SENP7: variants seen among roughly 807,000 people sequenced by gnomAD.
SENP7 encodes the protein SUMO specific peptidase 7, also known as sentrin-specific protease 7.
SENP7 carries 64 observed loss-of-function variants against 141.2 expected under a neutral mutation model. The ratio of observed to expected loss-of-function variants is 0.45; its 90% CI spans 0.37 to 0.56. SENP7 has a LOEUF of 0.56. Ranked by LOEUF, SENP7 falls within the 20% of genes least tolerant of loss-of-function variation. The pLI, the probability that SENP7 is intolerant of heterozygous loss-of-function variation, is 0.00. For synonymous variants in SENP7, 382 were observed against 426.4 expected (o/e 0.90, Z 1.28); for missense variants, 1,025 against 1,212.2 (o/e 0.85, Z 2.29).
intron 4 of SENP7, among the ~76,000 whole-genome samples, chr3:101,438,877 CGGGGCCCGAG>C (rs1559825740): frequency 6.6e-6 from 1 of 151,390 alleles, no homozygotes; most frequent in Non-Finnish European, 1.5e-5. Context: ...ACGGGCCCCG[CGGGGCCCGAG>C]GGCAAGGAGC....
At chr3:101,365,012 G>A in intron 9 of SENP7, 21 bp from the exon 10 acceptor site, 6 of 1,409,440 alleles carry the variant, frequency 4.3e-6, no homozygotes, top group Non-Finnish European at 5.6e-6. Context: ...AAAGAAAAAT[G>A]TATTTTTGTT....
chr3:101,409,632 A>G (rs1238293593), intron 5 of SENP7, among the ~76,000 whole-genome samples: 1 of 152,198 alleles, frequency 6.6e-6, no homozygotes, highest in Non-Finnish European at 1.5e-5. Flanking sequence ...ATAAACCCAA[A>G]TACTTACAGC....
In SENP7 at chr3:101,351,619, T is replaced by C; in HGVS notation, c.1656A>G (p.Gln552=). The change falls in exon 12 of 24, where the codon CAA becomes CAG. Residue 552 remains glutamine (Q), a splice_region_variant and synonymous_variant. Transcript: ENST00000394095. The part of the protein sequence containing the change: ...ITKKYIKIPF[Q]VSLNEISLLV... Reference sequence around the variant, plus strand: ...GTTCATAAGAGAATGATAACTTACCTTGAAATGGGATCTTAATATATTTTT... The same window carrying C: ...GTTCATAAGAGAATGATAACTTACCCTGAAATGGGATCTTAATATATTTTT... 7.4e-7 allele frequency: 1 copy of C among 1,357,922 alleles called. No homozygotes were observed. The highest frequency in any genetic ancestry group is 9.7e-7 in the Non-Finnish European group (1 of 1,032,290). The allele number at this position is 1,357,922 out of a possible 1,614,324, so 84.1% of individuals were successfully genotyped here.
chr3:101,490,649 T>C (rs1014274226), intron 3 of SENP7, among the ~76,000 whole-genome samples: 7 of 152,228 alleles, frequency 4.6e-5, no homozygotes, highest in Non-Finnish European at 1.0e-4. Context: ...TCAGAGCTCA[T>C]CTAACTTTAC....
rs6776266 is a variant in SENP7 at position 101,509,036 on chromosome 3, T to A, written c.40+4055A>T. 9.5e-3 allele frequency among the ~76,000 whole-genome samples: 1,440 copies of A among 152,244 alleles called. 25 individuals carry two copies. Among genetic ancestry groups the A allele is most frequent in the African/African-American group, 0.033 (1,386 of 41,544 alleles). ...CTATATCTTTATCCATCTTTTCTCC[T>A]TTCCCTATATCTCACCAAACTGTTC... On this transcript the variant is annotated intron_variant, in intron 1 of 23. Transcript: ENST00000394095.
At chr3:101,505,762 G>A (rs988968400) in intron 1 of SENP7, among the ~76,000 whole-genome samples, 1 of 152,014 alleles carries the variant, frequency 6.6e-6, no homozygotes, top group Admixed American at 6.6e-5. Flanking sequence ...GTAAAATGGC[G>A]GAGAATATCT....
chr3:101,440,639 T>C (rs1177760917), intron 4 of SENP7, among the ~76,000 whole-genome samples: 3 of 139,146 alleles, frequency 2.2e-5, no homozygotes, highest in African/African-American at 8.2e-5. Context: ...CAGAAAACAA[T>C]GAAGGAGAGA....
chr3:101,449,464 A>G (rs888106256), intron 4 of SENP7, among the ~76,000 whole-genome samples: 2 of 152,250 alleles, frequency 1.3e-5, no homozygotes, highest in African/African-American at 4.8e-5. Context: ...AAGGGCAGCC[A>G]GAGAGGAAGG....
At chr3:101,483,495 GA>G (rs1365044135) in intron 3 of SENP7, among the ~76,000 whole-genome samples, 1 of 152,096 alleles carries the variant, frequency 6.6e-6, no homozygotes, top group African/African-American at 2.4e-5. Flanking sequence ...GAAAAGGGTT[GA>G]AAAACTAACT....
At chr3:101,500,996 A>G (rs753605956) in intron 2 of SENP7, 74 bp downstream of exon 2, 15 of 1,059,954 alleles carry the variant, frequency 1.4e-5, no homozygotes, top group Middle Eastern at 4.5e-4. Context: ...ATGTTATTAA[A>G]AAGACAAACA....
At chr3:101,391,021 TA>T (rs2060802085) in intron 6 of SENP7, among the ~76,000 whole-genome samples, 1 of 151,692 alleles carries the variant, frequency 6.6e-6, no homozygotes, top group Non-Finnish European at 1.5e-5. Context: ...AAATAAAAAA[TA>T]AATTTAAAAA....
chr3:101,387,739 C>T (rs1241018115), intron 6 of SENP7, among the ~76,000 whole-genome samples: 1 of 152,210 alleles, frequency 6.6e-6, no homozygotes, highest in East Asian at 1.9e-4. Context: ...CATGATTCTT[C>T]CGGGAGCCTG....
At chr3:101,437,419 C>A (rs1279526633) in intron 4 of SENP7, among the ~76,000 whole-genome samples, 2 of 151,922 alleles carry the variant, frequency 1.3e-5, no homozygotes, top group Admixed American at 1.3e-4. Flanking sequence ...GGATGGATAC[C>A]CCATTCTCCA....
At position 101,341,666 on chromosome 3, in the gene SENP7, C is replaced by A; in HGVS notation, c.2220G>T (p.Arg740Ser). The A allele has an allele frequency of 6.2e-7, 1 of 1,607,804 alleles. No individual in the cohort carries two copies. Among genetic ancestry groups the A allele is most frequent in the Non-Finnish European group, 8.5e-7 (1 of 1,175,460 alleles). Residue 740 changes from arginine to serine, a missense_variant, in exon 15 of 24, where the codon AGG becomes AGT. Coordinates refer to ENST00000394095, the MANE Select transcript of SENP7 (RefSeq NM_020654.5). ...CATACTTCTGAACAAGTCCAGTGTG[C>A]CTGACTTCTCGCCATTCTTCATCTG... ...SNPDEEWREV[R>S]HTGLVQKLIV...
At chr3:101,412,417 C>A (rs1435639793) in intron 5 of SENP7, among the ~76,000 whole-genome samples, 6 of 151,942 alleles carry the variant, frequency 3.9e-5, no homozygotes, top group African/African-American at 1.4e-4. Context: ...TAAATTTGTT[C>A]TTTTATTAAG....
rs1168285268 is a variant in SENP7 at position 101,479,892 on chromosome 3, C to CAAA, written c.186+13978_186+13980dup. On this transcript the variant is annotated intron_variant, in intron 3 of 23. Transcript: ENST00000394095. ...ATAGCAATTCCACTTACAACAGCTA[C>CAAA]AAAAAAAAAAAAAAAAAAAAAAAAA... 1.2e-3 allele frequency among the ~76,000 whole-genome samples: 9 copies of CAAA among 7,346 alleles called. 2 individuals are homozygous for CAAA. Among genetic ancestry groups the CAAA allele is most frequent in the Non-Finnish European group, 1.8e-3 (8 of 4,444 alleles). The allele number at this position is 7,346 out of a possible 152,430, so 4.8% of individuals were successfully genotyped here.
At chr3:101,474,554 G>T (rs960862399) in intron 3 of SENP7, among the ~76,000 whole-genome samples, 8 of 152,118 alleles carry the variant, frequency 5.3e-5, no homozygotes, top group African/African-American at 1.9e-4. Context: ...TGCTGAAGTT[G>T]CTTATCAGTT....
chr3:101,357,159 C>T (rs1242535116), intron 11 of SENP7: 3 of 183,068 alleles, frequency 1.6e-5, no homozygotes, highest in Non-Finnish European at 3.4e-5. Flanking sequence ...CCCCACCATG[C>T]CCAGTCAATT....
intron 3 of SENP7, among the ~76,000 whole-genome samples, chr3:101,459,632 A>T (rs1399954495): frequency 6.6e-6 from 1 of 152,198 alleles, no homozygotes; most frequent in Non-Finnish European, 1.5e-5. Flanking sequence ...TAGCTACCTC[A>T]CAAAGATATA....
Sources: allele counts gnomAD v4.1 joint callset (sites outside exome capture counted in the v4.1 genomes callset), GRCh38; gene constraint gnomAD v4.1.1; transcripts MANE v1.5; gene names NCBI Gene and HGNC (gene_info 2026-07-23, HGNC 2026-07-21).